The following MEI4 variants were observed in gnomAD, a reference collection of about 807,000 sequenced individuals.
MEI4 encodes meiosis-specific protein MEI4.
A neutral mutation model predicts 31.4 loss-of-function variants in MEI4; 27 were observed. The observed-to-expected ratio is 0.86, with a 90% CI of 0.63 to 1.19. The LOEUF (loss-of-function observed/expected upper bound fraction) is 1.19, where lower values mean the gene tolerates loss of function less well. MEI4 is among the 50% of genes most tolerant of loss of function. MEI4 has a pLI of 0.00. For synonymous variants in MEI4, 122 were observed against 145.4 expected, an observed-to-expected ratio of 0.84 and a Z score of 1.16; for missense variants, 329 against 398.9, an observed-to-expected ratio of 0.82 and a Z score of 1.49.
At chr6:77,907,760 C>T (rs1444068144) in intron 4 of MEI4, among the ~76,000 whole-genome samples, 1 of 152,136 alleles carries the variant, frequency 6.6e-6, no homozygotes, top group Admixed American at 6.6e-5. Context: ...TTTACAGTCC[C>T]ACCAACAGTG....
intron 4 of MEI4, among the ~76,000 whole-genome samples, chr6:77,921,393 T>A (rs1766699413): frequency 6.6e-6 from 1 of 151,840 alleles, no homozygotes; most frequent in Non-Finnish European, 1.5e-5. Flanking sequence ...GTTCAGGTAT[T>A]GGCTTAAGTG....
chr6:77,814,811 T>C (rs879800900), intron 3 of MEI4, among the ~76,000 whole-genome samples: 2 of 152,080 alleles, frequency 1.3e-5, no homozygotes, highest in Non-Finnish European at 2.9e-5. Context: ...ATATTTAAAC[T>C]CTTAAAGTCA....
chr6:77,702,839 C>T (rs12664999), intron 2 of MEI4, among the ~76,000 whole-genome samples: 14,001 of 152,208 alleles, frequency 0.092, 932 homozygotes, highest in East Asian at 0.31. Context: ...GGACCTTGCT[C>T]AGCCCCAGTT....
At chr6:77,756,624 C>CCTCT (rs149549601) in intron 2 of MEI4, among the ~76,000 whole-genome samples, 64 of 145,968 alleles carry the variant, frequency 4.4e-4, no homozygotes, top group Non-Finnish European at 2.6e-4. Flanking sequence ...TCTCTCTCTC[C>CCTCT]CTCTCTCTCT....
chr6:77,703,516 G>A (rs575498982), intron 2 of MEI4, among the ~76,000 whole-genome samples: 1 of 152,164 alleles, frequency 6.6e-6, no homozygotes, highest in East Asian at 1.9e-4. Context: ...ATAGCTTAAT[G>A]CTATAACAAA....
rs557643181 is a variant in MEI4, at chr6:77,667,260, A to G, written c.-15+14168A>G. Among the ~76,000 whole-genome samples the G allele has an allele frequency of 3.3e-5, 5 of 152,292 alleles. No homozygotes were observed. The South Asian group carries it at 1.0e-3, about 32-fold the overall frequency. On this transcript the variant is annotated intron_variant, in intron 1 of 4. Coordinates refer to ENST00000684080, the MANE Select transcript of MEI4 (RefSeq NM_001322247.2). Reference sequence around the variant, plus strand: ...AGTATCCAATTTTCAGAGGTGTCCAATAGACATTTGTTACATTTCCCTTTG... The same window carrying G: ...AGTATCCAATTTTCAGAGGTGTCCAGTAGACATTTGTTACATTTCCCTTTG...
chr6:77,701,405 G>A (rs529186941), intron 2 of MEI4, among the ~76,000 whole-genome samples: 2 of 152,032 alleles, frequency 1.3e-5, no homozygotes, highest in African/African-American at 4.8e-5. Flanking sequence ...GCAGATTTAG[G>A]ATTAAAATTT....
At chr6:77,837,984 G>C (rs1770262978) in intron 4 of MEI4, among the ~76,000 whole-genome samples, 2 of 152,042 alleles carry the variant, frequency 1.3e-5, no homozygotes, top group South Asian at 4.1e-4. Context: ...ATCTCATACA[G>C]TTTTTGGGGG....
chr6:77,766,101 G>C (rs1768169237), intron 3 of MEI4, among the ~76,000 whole-genome samples: 1 of 152,168 alleles, frequency 6.6e-6, no homozygotes, highest in Non-Finnish European at 1.5e-5. Flanking sequence ...TTATCTCTTT[G>C]TGTCACTATT....
chr6:77,856,763 A>G (rs948500878), intron 4 of MEI4, among the ~76,000 whole-genome samples: 3 of 151,962 alleles, frequency 2.0e-5, no homozygotes, highest in Admixed American at 6.6e-5. Context: ...ATATCATCTC[A>G]TCTTATCCAC....
chr6:77,925,138 A>G lies in MEI4; in HGVS notation c.*1792A>G, dbSNP rs554780591. On this transcript the variant is annotated 3_prime_UTR_variant, in exon 5 of 5. Coordinates refer to ENST00000684080, the MANE Select transcript of MEI4 (RefSeq NM_001322247.2). Reference sequence around the variant, plus strand: ...AAGTATCAGCAATGGCCCTTTCCCTATTGCAGCCAGCCAACGTAATGATCA... The same window carrying G: ...AAGTATCAGCAATGGCCCTTTCCCTGTTGCAGCCAGCCAACGTAATGATCA... 9 of 151,906 alleles carry G rather than the reference A, an allele frequency of 5.9e-5. No homozygotes were observed. The highest frequency in any genetic ancestry group is 2.1e-4 in the South Asian group (1 of 4,820). 9.4% of individuals were successfully genotyped at this position (151,906 alleles called of 1,614,324 possible).
intron 2 of MEI4, 74 bp downstream of exon 2, chr6:77,690,977 T>C (rs1244084805): frequency 6.3e-6 from 5 of 798,178 alleles, no homozygotes; most frequent in African/African-American, 3.6e-5. Context: ...TTTAGAAATG[T>C]ATTCCCAAAA....
rs993228021 is a variant in MEI4, at chr6:77,910,026, CTG to C, written c.901-13062_901-13061del. ...TTCAACAACCTTCATGCTAAAAACT[CTG>C]AATAAATTAGGTATTGATGGGACGT... On this transcript the variant is annotated intron_variant, in intron 4 of 4. Transcript: ENST00000684080. Among the ~76,000 whole-genome samples the C allele has an allele frequency of 1.4e-3, 213 of 152,226 alleles. 1 individual carries two copies. The highest frequency in any genetic ancestry group is 4.5e-3 in the African/African-American group (187 of 41,548).
At chr6:77,731,632 A>G (rs1400009474) in intron 2 of MEI4, among the ~76,000 whole-genome samples, 1 of 151,220 alleles carries the variant, frequency 6.6e-6, no homozygotes, top group Admixed American at 6.6e-5. Flanking sequence ...CTTTAGTTGA[A>G]TTAGATCCCA....
At chr6:77,835,071 C>T (rs993552684) in intron 4 of MEI4, among the ~76,000 whole-genome samples, 1 of 150,898 alleles carries the variant, frequency 6.6e-6, no homozygotes, top group African/African-American at 2.4e-5. Flanking sequence ...CCAGCCTGAT[C>T]GAACCCTGAT....
chr6:77,672,602 C>T (rs1768766415), intron 1 of MEI4, among the ~76,000 whole-genome samples: 1 of 152,174 alleles, frequency 6.6e-6, no homozygotes, highest in Admixed American at 6.5e-5. Flanking sequence ...TGCAGTGTCT[C>T]AGTCTCCACT....
At chr6:77,817,091 C>A (rs1205929761) in intron 3 of MEI4, among the ~76,000 whole-genome samples, 1 of 151,840 alleles carries the variant, frequency 6.6e-6, no homozygotes, top group Non-Finnish European at 1.5e-5. Context: ...AGCATTTTAC[C>A]TGTAGCTCAA....
chr6:77,910,575 A>C (rs1267403034), intron 4 of MEI4, among the ~76,000 whole-genome samples: 1 of 152,174 alleles, frequency 6.6e-6, no homozygotes, highest in South Asian at 2.1e-4. Context: ...AAATGGAAGA[A>C]CATTCCACGC....
intron 3 of MEI4, among the ~76,000 whole-genome samples, chr6:77,787,779 G>A (rs1369079049): frequency 6.6e-6 from 1 of 152,138 alleles, no homozygotes; most frequent in Non-Finnish European, 1.5e-5. Flanking sequence ...TCAATAAGAT[G>A]CAAGACAGCA....
Sources: gnomAD v4.1 joint callset for allele counts (sites outside exome capture counted in the v4.1 genomes callset) on GRCh38, gnomAD v4.1.1 for gene constraint, MANE v1.5 for transcripts, NCBI Gene and HGNC (gene_info 2026-07-23, HGNC 2026-07-21) for gene names.